The following FGF13 variants were observed in gnomAD, a reference collection of about 807,000 sequenced individuals.
FGF13 encodes fibroblast growth factor 13, also known as fibroblast growth factor homologous factor 2.
In FGF13, 2 loss-of-function variants were observed where a neutral mutation model predicts 19.5. That is an observed-to-expected ratio of 0.10 (90% CI 0.04 to 0.32). The LOEUF (loss-of-function observed/expected upper bound fraction) is 0.32. Ranked by LOEUF, FGF13 falls within the 10% of genes least tolerant of loss-of-function variation. FGF13 has a pLI of 1.00. For synonymous variants in FGF13, 72 were observed against 76.9 expected, an observed-to-expected ratio of 0.94 and a Z score of 0.33; for missense variants, 113 against 192.7, an observed-to-expected ratio of 0.59 and a Z score of 2.45.
intron 1 of FGF13, among the ~76,000 whole-genome samples, chrX:139,066,598 T>G (rs1463342046): frequency 1.8e-5 from 2 of 111,357 alleles, no homozygotes; most frequent in Admixed American, 1.9e-4. Context: ...AATCCCTGAA[T>G]AGACCAGTAA....
intron 3 of FGF13, among the ~76,000 whole-genome samples, chrX:138,749,322 TACACACACAC>T (rs34038080): frequency 0.02 from 1,647 of 81,607 alleles, 28 homozygotes; most frequent in Admixed American, 0.078. Flanking sequence ...GAGACCAAAA[TACACACACAC>T]ACACACACAC....
intron 3 of FGF13, among the ~76,000 whole-genome samples, chrX:138,746,148 T>C (rs1230365480): frequency 2.7e-5 from 3 of 111,443 alleles, no homozygotes; most frequent in African/African-American, 6.5e-5. Flanking sequence ...ACTGAAGAAA[T>C]AGGCAGGGAA....
At chrX:139,089,266 AG>A (rs1006789690) in intron 1 of FGF13, among the ~76,000 whole-genome samples, 1 of 112,211 alleles carries the variant, frequency 8.9e-6, no homozygotes, top group Non-Finnish European at 1.9e-5. Context: ...GGTGGCTCAT[AG>A]ACTCTAATTT....
intron 1 of FGF13, among the ~76,000 whole-genome samples, chrX:139,021,245 T>TG (rs1187849470): frequency 9.0e-6 from 1 of 111,129 alleles, no homozygotes; most frequent in Non-Finnish European, 1.9e-5. Flanking sequence ...AGGTAAATTT[T>TG]GGGCTGCCAT....
chrX:138,865,853 G>C (rs2091320136), intron 1 of FGF13, among the ~76,000 whole-genome samples: 1 of 111,496 alleles, frequency 9.0e-6, no homozygotes. Flanking sequence ...CCTACAACAT[G>C]TGTCTTTGCC....
chrX:138,665,577 C>A (rs2089534420), intron 3 of FGF13, among the ~76,000 whole-genome samples: 1 of 111,497 alleles, frequency 9.0e-6, no homozygotes, highest in African/African-American at 3.3e-5. Context: ...TTAGTTAATG[C>A]CTAAGCATTA....
intron 3 of FGF13, among the ~76,000 whole-genome samples, chrX:138,785,005 C>G (rs2090681477): frequency 8.9e-6 from 1 of 112,176 alleles, no homozygotes. Flanking sequence ...CCTGAACAGT[C>G]TACTACACTT....
At chrX:139,095,958 G>A (rs1395693732) in intron 1 of FGF13, among the ~76,000 whole-genome samples, 3 of 111,641 alleles carry the variant, frequency 2.7e-5, no homozygotes, top group African/African-American at 9.8e-5. Flanking sequence ...AAAAATTAGT[G>A]GAGTTCAAAT....
chrX:138,963,239 C>T (rs746565045), intron 1 of FGF13, among the ~76,000 whole-genome samples: 13 of 113,264 alleles, frequency 1.1e-4, no homozygotes, highest in Admixed American at 1.0e-3. Context: ...ACCCTCTGAC[C>T]ATTCCCACAG....
At position 138,711,692 on chromosome X, in the gene FGF13, G is replaced by C. The variant is rs1337475947; in HGVS notation, c.-689C>G. Reference sequence around the variant, plus strand: ...GTCGCAGCACAGGAATTCAGCCGCCGCAGGCACCCTCCGGAACAGCGCGAC... The same window carrying C: ...GTCGCAGCACAGGAATTCAGCCGCCCCAGGCACCCTCCGGAACAGCGCGAC... On this transcript the variant is annotated 5_prime_UTR_variant, in exon 1 of 5. Coordinates refer to ENST00000315930, the MANE Select transcript of FGF13 (RefSeq NM_004114.5). 1 of 752,379 alleles carries C rather than the reference G, an allele frequency of 1.3e-6. No individual in the cohort carries two copies. The highest frequency in any genetic ancestry group is 1.6e-6 in the Non-Finnish European group (1 of 638,330). 62.0% of individuals were successfully genotyped at this position (752,379 alleles called of 1,213,427 possible).
downstream of FGF13, among the ~76,000 whole-genome samples, chrX:138,853,614 CGTGTGCGT>C (rs1379063282): frequency 3.8e-5 from 3 of 79,655 alleles, no homozygotes; most frequent in African/African-American, 1.4e-4. Context: ...TGTGTGTGTG[CGTGTGCGT>C]GTGTGTGTGT....
chrX:138,862,563 T>C lies in FGF13; in HGVS notation c.-39+2014A>G, dbSNP rs756440367. ...ATGGGGTAATTAGAGCAATGACTCT[T>C]CCATGTCACTGAGCACCTGTCATGC... On this transcript the variant is annotated intron_variant, in intron 2 of 2. Coordinates refer to the FGF13 transcript ENST00000421460. Among the ~76,000 whole-genome samples, 6 of 111,781 alleles carry C rather than the reference T, an allele frequency of 5.4e-5. No homozygotes were observed. The South Asian group carries it at 2.3e-3, about 42-fold the overall frequency.
At chrX:139,071,091 C>A (rs1473515262) in intron 1 of FGF13, among the ~76,000 whole-genome samples, 1 of 111,071 alleles carries the variant, frequency 9.0e-6, no homozygotes, top group Non-Finnish European at 1.9e-5. Flanking sequence ...AACAAACCTG[C>A]TCATTCTGCA....
chrX:138,863,819 C>T, intron 2 of FGF13, among the ~76,000 whole-genome samples: 1 of 112,267 alleles, frequency 8.9e-6, no homozygotes, highest in Non-Finnish European at 1.9e-5. Flanking sequence ...AGGAGCCTCA[C>T]CCTGACTTGA....
downstream of FGF13, among the ~76,000 whole-genome samples, chrX:138,852,902 G>C (rs1279119353): frequency 9.1e-6 from 1 of 110,224 alleles, no homozygotes; most frequent in Non-Finnish European, 1.9e-5. Flanking sequence ...CAAAGGACAT[G>C]AACAGACACT....
In FGF13 at chrX:138,631,361, C is replaced by G. The variant is rs929031811; in HGVS notation, c.*1489G>C. The G allele has an allele frequency of 9.0e-6, 1 of 111,679 alleles. No individual in the cohort carries two copies. 9.2% of individuals were successfully genotyped at this position (111,679 alleles called of 1,213,427 possible). On this transcript the variant is annotated 3_prime_UTR_variant, in exon 5 of 5. Coordinates refer to ENST00000315930, the MANE Select transcript of FGF13 (RefSeq NM_004114.5). ...TCATTTGTATAATTTGACTACTGAA[C>G]GGGAATGTGAATTCCTTTGTACCAA... is the stretch of plus-strand genomic sequence containing the variant.
At chrX:138,776,893 T>C (rs1406273551) in intron 3 of FGF13, among the ~76,000 whole-genome samples, 1 of 110,935 alleles carries the variant, frequency 9.0e-6, no homozygotes, top group Non-Finnish European at 1.9e-5. Context: ...TCCCTGCTCC[T>C]CTGCCCAAAG....
intron 1 of FGF13, among the ~76,000 whole-genome samples, chrX:138,900,860 G>A (rs998572251): frequency 9.0e-6 from 1 of 111,187 alleles, no homozygotes; most frequent in Non-Finnish European, 1.9e-5. Context: ...TAATCAACAT[G>A]TCCCTGCCAT....
chrX:138,989,905 G>C (rs1400675471), intron 1 of FGF13, among the ~76,000 whole-genome samples: 1 of 111,487 alleles, frequency 9.0e-6, no homozygotes, highest in African/African-American at 3.3e-5. Flanking sequence ...CAAAATTCAA[G>C]TTTGGAGTCC....
Sources: gnomAD v4.1 joint callset for allele counts (sites outside exome capture counted in the v4.1 genomes callset) on GRCh38, gnomAD v4.1.1 for gene constraint, MANE v1.5 for transcripts, NCBI Gene and HGNC (gene_info 2026-07-23, HGNC 2026-07-21) for gene names.